The following VRK2 variants were observed in gnomAD, a reference collection of about 807,000 sequenced individuals.
VRK2 encodes the protein serine/threonine-protein kinase VRK2.
A neutral mutation model predicts 57.6 loss-of-function variants in VRK2; 60 were observed. The ratio of observed to expected loss-of-function variants is 1.04; its 90% CI spans 0.85 to 1.29. The LOEUF (loss-of-function observed/expected upper bound fraction) is 1.29. Among genes scored for constraint, VRK2 ranks in the 50% most tolerant of loss-of-function variants. The probability of loss-of-function intolerance (pLI) is 0.00; values close to 1 mark genes in which losing one functional copy is unlikely to be tolerated. For missense variants in VRK2, 705 were observed against 588.1 expected (o/e 1.20, Z -2.06); for synonymous variants, 231 against 199.2 (o/e 1.16, Z -1.35).
intron 2 of VRK2, among the ~76,000 whole-genome samples, chr2:58,074,422 C>T (rs1393361719): frequency 2.0e-5 from 3 of 151,786 alleles, no homozygotes; most frequent in Admixed American, 6.6e-5. Flanking sequence ...TGTATGACTC[C>T]GTTTTCTCTC....
chr2:58,024,706 G>C (rs527705201), intron 1 of VRK2, among the ~76,000 whole-genome samples: 1 of 152,126 alleles, frequency 6.6e-6, no homozygotes, highest in Non-Finnish European at 1.5e-5. Context: ...AACCTCTTAA[G>C]ACATTTTATT....
At chr2:57,991,766 T>C (rs990274109) in intron 1 of VRK2, among the ~76,000 whole-genome samples, 21 of 146,266 alleles carry the variant, frequency 1.4e-4, no homozygotes, top group African/African-American at 5.4e-4. Flanking sequence ...GCCAACATGG[T>C]GAAACCCCGT....
intron 1 of VRK2, among the ~76,000 whole-genome samples, chr2:57,937,366 C>T (rs1470042668): frequency 6.6e-6 from 1 of 151,760 alleles, no homozygotes; most frequent in African/African-American, 2.4e-5. Flanking sequence ...TTCTTTTTTC[C>T]TTCCTTCAGA....
upstream of VRK2, among the ~76,000 whole-genome samples, chr2:58,045,727 TTCAG>T (rs1674690375): frequency 6.6e-6 from 1 of 151,676 alleles, no homozygotes; most frequent in Non-Finnish European, 1.5e-5. Flanking sequence ...TAATTTTCCT[TTCAG>T]TATTTGTATC....
chr2:57,970,251 G>A (rs906608025), intron 1 of VRK2, among the ~76,000 whole-genome samples: 4 of 149,512 alleles, frequency 2.7e-5, no homozygotes, highest in African/African-American at 7.3e-5. Context: ...ACTAAAAAAA[G>A]TTCATTATAT....
chr2:58,114,006 C>G (rs1464175855), intron 7 of VRK2, among the ~76,000 whole-genome samples: 1 of 151,960 alleles, frequency 6.6e-6, no homozygotes, highest in Non-Finnish European at 1.5e-5. Flanking sequence ...GTGTGGGAAC[C>G]TAGAGTGGGA....
rs780923187 is a variant in VRK2, at chr2:58,131,934, A to C, written c.797+6A>C. On this transcript the variant is annotated splice_donor_region_variant and intron_variant, in intron 9 of 12. Transcript: ENST00000340157. ...GTGCAGACTGCTAAAACAAAGTACA[A>C]ATTTTCAAGTATTTCATCATGTACT... The C allele has an allele frequency of 1.9e-6, 3 of 1,614,022 alleles. No individual in the cohort carries two copies. Among genetic ancestry groups the C allele is most frequent in the Non-Finnish European group, 1.7e-6 (2 of 1,179,948 alleles).
At chr2:57,990,845 A>C (rs1672741433) in intron 1 of VRK2, among the ~76,000 whole-genome samples, 1 of 94,652 alleles carries the variant, frequency 1.1e-5, no homozygotes, top group Non-Finnish European at 2.0e-5. Context: ...TGATAGTCAC[A>C]CACAGACATA....
At chr2:58,008,749 A>G (rs1673331169) in intron 1 of VRK2, among the ~76,000 whole-genome samples, 1 of 152,176 alleles carries the variant, frequency 6.6e-6, no homozygotes, top group African/African-American at 2.4e-5. Flanking sequence ...TAGACTGGTT[A>G]TATCTGATAA....
intron 2 of VRK2, among the ~76,000 whole-genome samples, chr2:58,029,958 G>A (rs1165379224): frequency 6.6e-6 from 1 of 152,088 alleles, no homozygotes; most frequent in Non-Finnish European, 1.5e-5. Context: ...ATCTTCAGAG[G>A]CTAGTTATTT....
intron 7 of VRK2, among the ~76,000 whole-genome samples, chr2:58,118,772 T>C (rs1177859280): frequency 6.6e-6 from 1 of 152,128 alleles, no homozygotes; most frequent in East Asian, 1.9e-4. Flanking sequence ...TTCACCTGGG[T>C]GCAGGCGGTT....
At chr2:57,986,600 T>TG (rs957066007) in intron 1 of VRK2, among the ~76,000 whole-genome samples, 1 of 138,248 alleles carries the variant, frequency 7.2e-6, no homozygotes, top group Admixed American at 6.9e-5. Flanking sequence ...CAATCGATTT[T>TG]TTTTTTTTTT....
At chr2:57,912,671 T>C (rs1670025934) in intron 1 of VRK2, among the ~76,000 whole-genome samples, 1 of 152,174 alleles carries the variant, frequency 6.6e-6, no homozygotes, top group African/African-American at 2.4e-5. Flanking sequence ...GCAACCGCTT[T>C]TGTTACAAGA....
intron 7 of VRK2, among the ~76,000 whole-genome samples, chr2:58,089,960 G>C (rs1347992612): frequency 6.6e-6 from 1 of 152,156 alleles, no homozygotes; most frequent in Non-Finnish European, 1.5e-5. Context: ...GTTAAGAAGT[G>C]GCTGAGCAGG....
At chr2:58,154,289 C>G (rs1683459645) in intron 12 of VRK2, among the ~76,000 whole-genome samples, 1 of 151,086 alleles carries the variant, frequency 6.6e-6, no homozygotes, top group Non-Finnish European at 1.5e-5. Context: ...GATTTCTGCT[C>G]TAATTTCTAT....
intron 1 of VRK2, among the ~76,000 whole-genome samples, chr2:57,926,729 T>C (rs1670551211): frequency 6.6e-6 from 1 of 151,846 alleles, no homozygotes; most frequent in African/African-American, 2.4e-5. Flanking sequence ...TAGTCTTTTT[T>C]TCATCTTTTT....
intron 1 of VRK2, among the ~76,000 whole-genome samples, chr2:57,932,215 A>G (rs1220595618): frequency 6.6e-6 from 1 of 151,922 alleles, no homozygotes; most frequent in Non-Finnish European, 1.5e-5. Flanking sequence ...CTAGCCTTGT[A>G]AGATAAACTA....
intron 1 of VRK2, among the ~76,000 whole-genome samples, chr2:57,944,938 T>C (rs1202727727): frequency 6.6e-6 from 1 of 152,134 alleles, no homozygotes; most frequent in East Asian, 1.9e-4. Context: ...ATTCTAGCAA[T>C]TTAATTCTAG....
At chr2:58,078,738 T>A (rs1340205731) in intron 2 of VRK2, among the ~76,000 whole-genome samples, 1 of 152,152 alleles carries the variant, frequency 6.6e-6, no homozygotes, top group Admixed American at 6.6e-5. Context: ...ATTGTGGTTT[T>A]GATTTGCGTT....
Sources: gnomAD v4.1 joint callset for allele counts (sites outside exome capture counted in the v4.1 genomes callset) on GRCh38, gnomAD v4.1.1 for gene constraint, MANE v1.5 for transcripts, NCBI Gene and HGNC (gene_info 2026-07-23, HGNC 2026-07-21) for gene names.